Variants in DCLK2 observed in about 807,000 individuals in gnomAD.
DCLK2 encodes serine/threonine-protein kinase DCLK2.
A neutral mutation model predicts 78.4 loss-of-function variants in DCLK2; 31 were observed. That is an observed-to-expected ratio of 0.40 (90% CI 0.30 to 0.53). The LOEUF is 0.53. DCLK2 is among the 20% of genes least tolerant of loss of function. DCLK2 has a pLI of 0.61. For missense variants in DCLK2, 872 were observed against 973.7 expected (o/e 0.90, Z 1.39); for synonymous variants, 407 against 374.9 (o/e 1.09, Z -0.99).
chr4:150,243,469 C>T (rs1431268530), intron 12 of DCLK2, among the ~76,000 whole-genome samples: 13 of 152,154 alleles, frequency 8.5e-5, no homozygotes, highest in Admixed American at 6.5e-4. Context: ...TCATTAATTA[C>T]GGACATGGTA....
intron 2 of DCLK2, among the ~76,000 whole-genome samples, chr4:150,119,411 T>G (rs1445472568): frequency 6.6e-6 from 1 of 152,198 alleles, no homozygotes; most frequent in East Asian, 1.9e-4. Context: ...ATTTTGTGAT[T>G]TGAGAGATAC....
At chr4:150,095,064 T>G (rs1203879141) in intron 1 of DCLK2, among the ~76,000 whole-genome samples, 3 of 152,238 alleles carry the variant, frequency 2.0e-5, no homozygotes, top group Non-Finnish European at 4.4e-5. Flanking sequence ...TAATATATTG[T>G]AAGCTCAGTA....
At chr4:150,173,301 A>G (rs1736691285) in intron 2 of DCLK2, among the ~76,000 whole-genome samples, 1 of 152,166 alleles carries the variant, frequency 6.6e-6, no homozygotes, top group African/African-American at 2.4e-5. Context: ...TCGACAGGAT[A>G]GTCTCTGACT....
At chr4:150,085,067 A>T (rs1345549920) in intron 1 of DCLK2, among the ~76,000 whole-genome samples, 1 of 152,128 alleles carries the variant, frequency 6.6e-6, no homozygotes, top group Non-Finnish European at 1.5e-5. Flanking sequence ...CATTTTACAG[A>T]TGGGGAAGCT....
chr4:150,253,152 C>A, intron 15 of DCLK2: 1 of 467,980 alleles, frequency 2.1e-6, no homozygotes, highest in South Asian at 1.5e-5. Context: ...TGTGTCCTGT[C>A]TTCGGAACAG....
At chr4:150,141,702 C>T (rs1446720839) in intron 2 of DCLK2, among the ~76,000 whole-genome samples, 4 of 152,236 alleles carry the variant, frequency 2.6e-5, no homozygotes, top group South Asian at 2.1e-4. Context: ...CTGAGGTGTA[C>T]GTTCATTTTT....
intron 2 of DCLK2, among the ~76,000 whole-genome samples, chr4:150,175,804 G>A (rs1737046472): frequency 6.6e-6 from 1 of 152,196 alleles, no homozygotes; most frequent in Non-Finnish European, 1.5e-5. Context: ...GTGTCTTCAT[G>A]CTTTAGTAAG....
At chr4:150,136,680 G>T (rs1733706544) in intron 2 of DCLK2, among the ~76,000 whole-genome samples, 2 of 152,140 alleles carry the variant, frequency 1.3e-5, no homozygotes, top group South Asian at 4.1e-4. Context: ...TCATTCTGTG[G>T]TCTGAAGAGG....
At chr4:150,101,146 T>C (rs1730863641) in intron 1 of DCLK2, among the ~76,000 whole-genome samples, 1 of 152,060 alleles carries the variant, frequency 6.6e-6, no homozygotes, top group Non-Finnish European at 1.5e-5. Flanking sequence ...TCCCAGCTAC[T>C]TGGAAGGCTG....
intron 15 of DCLK2, among the ~76,000 whole-genome samples, chr4:150,252,487 A>G (rs1197778872): frequency 1.3e-5 from 2 of 152,206 alleles, no homozygotes; most frequent in East Asian, 3.9e-4. Context: ...CCCAGATAGG[A>G]ATCAGTGGCC....
At chr4:150,213,993 A>T (rs1181012992) in intron 5 of DCLK2, among the ~76,000 whole-genome samples, 1 of 152,206 alleles carries the variant, frequency 6.6e-6, no homozygotes, top group Non-Finnish European at 1.5e-5. Context: ...ATTTCTTCAC[A>T]GGTCAATGGA....
At chr4:150,243,253 A>T (rs1297288351) in intron 12 of DCLK2, among the ~76,000 whole-genome samples, 4 of 152,226 alleles carry the variant, frequency 2.6e-5, no homozygotes, top group Non-Finnish European at 5.9e-5. Flanking sequence ...ACATTCTGAA[A>T]GCTGCTGCCC....
chr4:150,205,594 A>G (rs1739787606), intron 5 of DCLK2, among the ~76,000 whole-genome samples: 1 of 152,252 alleles, frequency 6.6e-6, no homozygotes, highest in African/African-American at 2.4e-5. Context: ...TAAATTGTCA[A>G]TTCCCAGAAA....
chr4:150,220,306 G>A (rs191161771), intron 5 of DCLK2, among the ~76,000 whole-genome samples: 3 of 152,272 alleles, frequency 2.0e-5, no homozygotes, highest in Admixed American at 2.0e-4. Context: ...CATTTATCAT[G>A]AGGAAATAAA....
intron 1 of DCLK2, among the ~76,000 whole-genome samples, chr4:150,088,397 T>A (rs1324179897): frequency 1.7e-5 from 1 of 57,166 alleles, no homozygotes; most frequent in Non-Finnish European, 4.4e-5. Context: ...GTCCTCAGCT[T>A]TTTTTTTTTC....
At chr4:150,229,188 T>G (rs188509185) in intron 8 of DCLK2, among the ~76,000 whole-genome samples, 2 of 151,760 alleles carry the variant, frequency 1.3e-5, no homozygotes, top group Non-Finnish European at 2.9e-5. Context: ...AAAAAATAAT[T>G]AACTGGGTGC....
rs115590919 is a variant in DCLK2, at chr4:150,177,631, A to C, written c.757-15507A>C. The stretch of plus-strand genomic sequence containing the variant: ...ATATTAATGATAGAATTATCTTTCA[A>C]AAGCAAAAGTTTGAGGAATAGATCG... On this transcript the variant is annotated intron_variant, in intron 2 of 15. Transcript: ENST00000296550. 6.8e-3 allele frequency among the ~76,000 whole-genome samples: 1,033 copies of C among 152,370 alleles called. 9 individuals are homozygous for C. The highest frequency in any genetic ancestry group is 0.023 in the African/African-American group (960 of 41,582).
At chr4:150,087,721 CA>C (rs1390420888) in intron 1 of DCLK2, among the ~76,000 whole-genome samples, 1 of 152,210 alleles carries the variant, frequency 6.6e-6, no homozygotes, top group Non-Finnish European at 1.5e-5. Flanking sequence ...CCTCTGTGAG[CA>C]ACATTCCTTT....
In DCLK2 at chr4:150,111,322, T is replaced by C. The variant is rs187425961; in HGVS notation, c.756+8510T>C. 8.5e-5 allele frequency among the ~76,000 whole-genome samples: 13 copies of C among 152,316 alleles called. No homozygotes were observed. In the East Asian group the frequency reaches 9.6e-4, roughly 11 times the overall value. ...TCTATTTATGTCATTTGCCCACTTA[T>C]TGATGGGATTATTTGTTTTTCTCAA... On this transcript the variant is annotated intron_variant, in intron 2 of 15. Coordinates refer to ENST00000296550, the MANE Select transcript of DCLK2 (RefSeq NM_001040260.4).
Sources: allele counts gnomAD v4.1 joint callset (sites outside exome capture counted in the v4.1 genomes callset), GRCh38; gene constraint gnomAD v4.1.1; transcripts MANE v1.5; gene names NCBI Gene and HGNC (gene_info 2026-07-23, HGNC 2026-07-21).